Variants in CTNND2 observed in about 807,000 individuals in gnomAD.
The protein encoded by CTNND2 is catenin delta-2.
CTNND2 carries 22 observed loss-of-function variants against 144.4 expected under a neutral mutation model. That is an observed-to-expected ratio of 0.15 (90% CI 0.11 to 0.22). The LOEUF is 0.22. Among genes scored for constraint, CTNND2 ranks in the 10% least tolerant of loss-of-function variants. The pLI is 1.00. For synonymous variants in CTNND2, 751 were observed against 695.6 expected, an observed-to-expected ratio of 1.08 and a Z score of -1.25; for missense variants, 1,353 against 1,618.8, an observed-to-expected ratio of 0.84 and a Z score of 2.82.
intron 3 of CTNND2, among the ~76,000 whole-genome samples, chr5:11,560,550 G>T (rs1167559978): frequency 6.6e-6 from 1 of 152,176 alleles, no homozygotes; most frequent in African/African-American, 2.4e-5. Context: ...TTGACTGAAG[G>T]TTAAAATATT....
At chr5:11,850,785 C>T (rs1002043018) in intron 1 of CTNND2, among the ~76,000 whole-genome samples, 1 of 152,076 alleles carries the variant, frequency 6.6e-6, no homozygotes, top group African/African-American at 2.4e-5. Context: ...CCCTGTAGCT[C>T]GAACATACTA....
chr5:11,514,099 C>CT (rs11383311), intron 3 of CTNND2, among the ~76,000 whole-genome samples: 151,875 of 152,278 alleles, frequency 1, 75,749 homozygotes, highest in Middle Eastern at 1. Context: ...GAGGGGAGGA[C>CT]GCTTGAGCCA....
Position 11,482,699 on chromosome 5 carries a change from A to G in CTNND2, c.288-70630T>C, listed in dbSNP as rs536063489. Among the ~76,000 whole-genome samples, 3 of 152,220 alleles carry G rather than the reference A, an allele frequency of 2.0e-5. No homozygotes were observed. In the South Asian group the frequency reaches 6.2e-4, roughly 32 times the overall value. On this transcript the variant is annotated intron_variant, in intron 3 of 21. Coordinates refer to ENST00000304623, the MANE Select transcript of CTNND2 (RefSeq NM_001332.4). ...TTGGTGGTAAAACACTGTCTCCCTG[A>G]GAAGCAGACATTTGAACAAAGACTT...
At chr5:10,980,375 G>A (rs546937271) in intron 21 of CTNND2, among the ~76,000 whole-genome samples, 6 of 152,212 alleles carry the variant, frequency 3.9e-5, no homozygotes, top group African/African-American at 1.2e-4. Flanking sequence ...TCAGAATGGC[G>A]ATCATTAAAA....
chr5:11,159,119 C>T (rs1417545248), intron 12 of CTNND2, among the ~76,000 whole-genome samples: 1 of 152,156 alleles, frequency 6.6e-6, no homozygotes, highest in Non-Finnish European at 1.5e-5. Flanking sequence ...TAGAATCTTA[C>T]AGTCAAACAG....
Position 11,591,542 on chromosome 5 carries a change from T to C in CTNND2, c.175-26486A>G, listed in dbSNP as rs566942476. On this transcript the variant is annotated intron_variant, in intron 2 of 21. Transcript: ENST00000304623. Reference sequence around the variant, plus strand: ...TTCTAACATGGTTTCATTTCAGCAATAGCTATTTTTTTCTTTTTTTTGAAT... The same window carrying C: ...TTCTAACATGGTTTCATTTCAGCAACAGCTATTTTTTTCTTTTTTTTGAAT... Among the ~76,000 whole-genome samples, 6 of 109,906 alleles carry C rather than the reference T, an allele frequency of 5.5e-5. No individual in the cohort carries two copies. In the South Asian group the frequency reaches 1.9e-3, roughly 34 times the overall value. 72.1% of individuals were successfully genotyped at this position (109,906 alleles called of 152,430 possible).
rs888366029 is a variant in CTNND2 at position 11,417,979 on chromosome 5, A to G, written c.288-5910T>C. Among the ~76,000 whole-genome samples, 24 of 152,186 alleles carry G rather than the reference A, an allele frequency of 1.6e-4. No individual in the cohort carries two copies. In the Middle Eastern group the frequency reaches 9.5e-3, roughly 60 times the overall value. ...GGGGTCTTCAAAAAGTTTATGGAAA[A>G]TGCATATTATGAAAAATTTATTTGT... On this transcript the variant is annotated intron_variant, in intron 3 of 21. Coordinates refer to ENST00000304623, the MANE Select transcript of CTNND2 (RefSeq NM_001332.4).
At chr5:11,247,494 A>G (rs1286259764) in intron 9 of CTNND2, among the ~76,000 whole-genome samples, 1 of 152,234 alleles carries the variant, frequency 6.6e-6, no homozygotes, top group African/African-American at 2.4e-5. Flanking sequence ...TAGAAGGAAC[A>G]ATTTCAACTA....
chr5:11,496,131 T>C (rs1769913038), intron 3 of CTNND2, among the ~76,000 whole-genome samples: 1 of 152,210 alleles, frequency 6.6e-6, no homozygotes, highest in Non-Finnish European at 1.5e-5. Context: ...TTGTCTCTCC[T>C]TACCTGGATA....
At chr5:11,548,882 T>C (rs75571853) in intron 3 of CTNND2, among the ~76,000 whole-genome samples, 4,779 of 152,322 alleles carry the variant, frequency 0.031, 228 homozygotes, top group East Asian at 0.23. Context: ...GATCTGCACA[T>C]AAAACTAAAT....
chr5:11,456,714 T>A (rs43177), intron 3 of CTNND2, among the ~76,000 whole-genome samples: 68,594 of 152,106 alleles, frequency 0.45, 17,789 homozygotes, highest in East Asian at 0.77. Context: ...AAAAAGACGA[T>A]TTAAAAATTA....
chr5:11,455,741 G>A (rs947030246), intron 3 of CTNND2, among the ~76,000 whole-genome samples: 13 of 152,208 alleles, frequency 8.5e-5, no homozygotes, highest in Admixed American at 2.6e-4. Context: ...GAAAAAAGAT[G>A]ACATTTTACT....
rs768016773 is a variant in CTNND2, at chr5:11,529,075, C to T, written c.287+35869G>A. On this transcript the variant is annotated intron_variant, in intron 3 of 21. Transcript: ENST00000304623. ...CTGGTGCCGGCAGGAAATAGCAATG[C>T]GGAAAACAGGGACACAAGGCCATAT... Among the ~76,000 whole-genome samples, 62 of 152,178 alleles carry T rather than the reference C, an allele frequency of 4.1e-4. 1 individual carries two copies. The highest frequency in any genetic ancestry group is 7.2e-4 in the Non-Finnish European group (49 of 68,010).
chr5:11,388,166 T>C (rs1480100947), intron 6 of CTNND2, among the ~76,000 whole-genome samples: 1 of 152,230 alleles, frequency 6.6e-6, no homozygotes. Context: ...TTTTATATAC[T>C]GTTTAACATA....
At chr5:11,807,567 G>A (rs2126900739) in intron 1 of CTNND2, among the ~76,000 whole-genome samples, 1 of 152,260 alleles carries the variant, frequency 6.6e-6, no homozygotes, top group East Asian at 1.9e-4. Context: ...TCAGAATTAT[G>A]ATCAACGTGG....
intron 18 of CTNND2, among the ~76,000 whole-genome samples, chr5:11,009,673 C>A (rs1403974577): frequency 6.6e-6 from 1 of 152,142 alleles, no homozygotes; most frequent in Non-Finnish European, 1.5e-5. Flanking sequence ...ATGTTACGAG[C>A]GAAGCCTTGT....
At chr5:11,400,674 T>C (rs796335601) in intron 5 of CTNND2, among the ~76,000 whole-genome samples, 8 of 152,330 alleles carry the variant, frequency 5.3e-5, no homozygotes, top group African/African-American at 1.9e-4. Context: ...CCTAAGAAGA[T>C]ACATGAAGCA....
intron 5 of CTNND2, among the ~76,000 whole-genome samples, chr5:11,400,189 G>C (rs1760512693): frequency 6.6e-6 from 1 of 151,938 alleles, no homozygotes; most frequent in Admixed American, 6.6e-5. Flanking sequence ...ACGAGGCTGT[G>C]GTCCTGAACC....
At chr5:11,364,494 T>C in intron 8 of CTNND2, 1 of 446,064 alleles carries the variant, frequency 2.2e-6, no homozygotes, top group Non-Finnish European at 3.8e-6. Flanking sequence ...CTTCCTTTCA[T>C]TCAGATTATA....
Sources: gnomAD v4.1 joint callset for allele counts (sites outside exome capture counted in the v4.1 genomes callset) on GRCh38, gnomAD v4.1.1 for gene constraint, MANE v1.5 for transcripts, NCBI Gene and HGNC (gene_info 2026-07-23, HGNC 2026-07-21) for gene names.